SLC4A11: variants seen among roughly 807,000 people sequenced by gnomAD.
The protein encoded by SLC4A11 is solute carrier family 4 member 11.
SLC4A11 carries 74 observed loss-of-function variants against 95.0 expected under a neutral mutation model. That is an observed-to-expected ratio of 0.78 (90% CI 0.65 to 0.95). The LOEUF (loss-of-function observed/expected upper bound fraction) is 0.95, where lower values mean the gene tolerates loss of function less well. Ranked by LOEUF, SLC4A11 falls within the 40% of genes least tolerant of loss-of-function variation. The probability of loss-of-function intolerance (pLI) is 0.00; values close to 1 mark genes in which losing one functional copy is unlikely to be tolerated. For synonymous variants in SLC4A11, 548 were observed against 519.0 expected, an observed-to-expected ratio of 1.06 and a Z score of -0.76; for missense variants, 1,081 against 1,192.4, an observed-to-expected ratio of 0.91 and a Z score of 1.38.
In SLC4A11 at chr20:3,230,996, C is replaced by A; in HGVS notation, c.1105G>T (p.Ala369Ser). The A allele has an allele frequency of 6.2e-7, 1 of 1,613,578 alleles. No individual in the cohort carries two copies. Among genetic ancestry groups the A allele is most frequent in the Non-Finnish European group, 8.5e-7 (1 of 1,179,956 alleles). ...AAAGCGATGGTGGGCAGGAGGCAGG[C>A]GAAGTAGAGGAACAGGGTGGTGGTG... The part of the protein sequence containing the change: ...YITTTLFLYF[A>S]CLLPTIAFGS... The change falls in exon 10 of 20, where the codon GCC (alanine) becomes TCC (serine). Residue 369 changes from alanine (A) to serine (S), a missense_variant. By Grantham distance (99) the Ala-to-Ser change is moderately conservative. Around this residue, in one of 3 missense-constraint regions of SLC4A11, gnomAD observed 767 missense variants for 858.0 expected, o/e 0.89. Transcript: ENST00000642402.
intron 1 of SLC4A11, chr20:3,238,572 C>T: frequency 1.0e-6 from 1 of 990,916 alleles, no homozygotes; most frequent in Non-Finnish European, 1.2e-6. Context: ...GGACCCAGGG[C>T]TGGCCCTCCC....
intron 19 of SLC4A11, 106 bp downstream of exon 19, chr20:3,228,153 C>CCAA: frequency 5.9e-6 from 6 of 1,017,530 alleles, no homozygotes; most frequent in Non-Finnish European, 5.9e-6. Flanking sequence ...CCAACCCGCC[C>CCAA]ATTCTCCGCC....
Position 3,231,643 on chromosome 20 carries a change from T to G in SLC4A11, c.730-95A>C, listed in dbSNP as rs1600584159. The G allele has an allele frequency of 1.7e-6, 2 of 1,188,210 alleles. No homozygotes were observed. The highest frequency in any genetic ancestry group is 2.4e-5 in the East Asian group (1 of 41,366). 73.6% of individuals were successfully genotyped at this position (1,188,210 alleles called of 1,614,324 possible). A position where few individuals can be genotyped will look rare whatever the true frequency, so the allele number is the denominator to read the frequency against. ...GCTCTCCCCATGAACTGGCAGCAGG[T>G]TTTTTGTCTGTTTGTTTTTTGTGTT... On this transcript the variant is annotated intron_variant, in intron 7 of 19. Coordinates refer to ENST00000642402, the MANE Select transcript of SLC4A11 (RefSeq NM_001174089.2). The surrounding 1 kb of genome is among the most constrained non-coding windows in gnomAD (Gnocchi z 5.2).
Position 3,231,285 on chromosome 20 carries a change from TGCCCCCGCCGACCCTGCCG to T in SLC4A11, c.948+26_948+44del. On this transcript the variant is annotated intron_variant, in intron 8 of 19. Transcript: ENST00000642402. This position sits in a 1 kb window ranked among gnomAD's most constrained non-coding sequence, Gnocchi z 5.2. ...GCGCCTGTTAGCCCTGTCCGGCCCA[TGCCCCCGCCGACCCTGCCG>T]GCCCCCGCCGGCCTCTACCCTGTAC... 1 of 1,613,256 alleles carries T rather than the reference TGCCCCCGCCGACCCTGCCG, an allele frequency of 6.2e-7. No individual in the cohort carries two copies. The highest frequency in any genetic ancestry group is 2.2e-5 in the East Asian group (1 of 44,848).
chr20:3,236,097 C>T (rs1328044487), intron 2 of SLC4A11, among the ~76,000 whole-genome samples: 1 of 152,184 alleles, frequency 6.6e-6, no homozygotes, highest in African/African-American at 2.4e-5. Flanking sequence ...AGCAGCACGC[C>T]TGCACCTGCC....
chr20:3,232,257 C>T (rs1230951034), intron 7 of SLC4A11, among the ~76,000 whole-genome samples: 4 of 152,250 alleles, frequency 2.6e-5, no homozygotes, highest in Non-Finnish European at 2.9e-5. Context: ...CTCTCTCGCC[C>T]GGCCAAGGTG....
chr20:3,236,762 T>A (rs2067995000), intron 2 of SLC4A11, among the ~76,000 whole-genome samples: 2 of 151,778 alleles, frequency 1.3e-5, no homozygotes, highest in African/African-American at 4.8e-5. Context: ...ACTAGTCCCC[T>A]CCACTGCCCT....
rs763849883 is a variant in SLC4A11 at position 3,231,023 on chromosome 20, T to C, written c.1078A>G (p.Ile360Val). 8 of 1,613,844 alleles carry C rather than the reference T, an allele frequency of 5.0e-6. No individual in the cohort carries two copies. Among genetic ancestry groups the C allele is most frequent in the Non-Finnish European group, 6.8e-6 (8 of 1,179,994 alleles). ...IGKNKAVGKY[I>V]TTTLFLYFAC... Reference sequence around the variant, plus strand: ...AAGTAGAGGAACAGGGTGGTGGTGATGTATTTGCCCACAGCCTTGTTTTTC... The same window carrying C: ...AAGTAGAGGAACAGGGTGGTGGTGACGTATTTGCCCACAGCCTTGTTTTTC... The change falls in exon 10 of 20, where the codon ATC (isoleucine) becomes GTC (valine). Residue 360 changes from isoleucine (I) to valine (V), a missense_variant. Around this residue, in one of 3 missense-constraint regions of SLC4A11, gnomAD observed 767 missense variants for 858.0 expected, o/e 0.89. Transcript: ENST00000642402. The surrounding 1 kb of genome is among the most constrained non-coding windows in gnomAD (Gnocchi z 5.2).
rs1228963378 is a variant in SLC4A11, at chr20:3,234,159, G to A, written c.447C>T (p.Asn149=). 1.2e-6 allele frequency: 2 copies of A among 1,614,152 alleles called. No individual in the cohort carries two copies. Among genetic ancestry groups the A allele is most frequent in the Non-Finnish European group, 1.7e-6 (2 of 1,180,022 alleles). ...MLRRFARDPD[N]NEPNCNLDLL... ...GGTCCAGGTTGCAGTTGGGCTCATT[G>A]TTGTCAGGGTCCCTGGCGAAGCGGC... The change falls in exon 5 of 20, where the codon AAC becomes AAT. Residue 149 remains asparagine, a synonymous_variant. Coordinates refer to ENST00000642402, the MANE Select transcript of SLC4A11 (RefSeq NM_001174089.2). This position sits in a 1 kb window ranked among gnomAD's most constrained non-coding sequence, Gnocchi z 5.8.
At chr20:3,236,587 C>G (rs2067989151) in intron 2 of SLC4A11, among the ~76,000 whole-genome samples, 2 of 20,600 alleles carry the variant, frequency 9.7e-5, no homozygotes, top group South Asian at 1.7e-3. Flanking sequence ...AGACTCAAAA[C>G]AAAACAAAAC....
At position 3,229,775 on chromosome 20, in the gene SLC4A11, G is replaced by A. The variant is rs2067690279; in HGVS notation, c.1491C>T (p.Ile497=). ...AATGCCCATAGTAGTACTTCCAGAAGACTGTGGACACACACCCACAGGCCT... is the reference window on the plus strand; with the variant it reads ...AATGCCCATAGTAGTACTTCCAGAAAACTGTGGACACACACCCACAGGCCT... ...VLDAVKGTVK[I]FWKYYYGHYL... Residue 497 remains isoleucine (I), a splice_region_variant and synonymous_variant, in exon 14 of 20, where the codon ATC becomes ATT. Transcript: ENST00000642402. 1 of 1,613,722 alleles carries A rather than the reference G, an allele frequency of 6.2e-7. No homozygotes were observed. Among genetic ancestry groups the A allele is most frequent in the African/African-American group, 1.3e-5 (1 of 74,924 alleles).
At position 3,228,898 on chromosome 20, in the gene SLC4A11, A is replaced by G. The variant is rs766847914; in HGVS notation, c.2132T>C (p.Leu711Pro). 1 of 1,613,940 alleles carries G rather than the reference A, an allele frequency of 6.2e-7. No individual in the cohort carries two copies. ...CACTAAGGCCAGGGCTCGCACGTGC[A>G]GCGGGGAGTGGGGGTAGGCGGCATG... Reference protein sequence around the residue: ...WIHAAYPHSPLHVRALALVEE... With the variant: ...WIHAAYPHSPPHVRALALVEE... Residue 711 changes from leucine (L) to proline (P), a missense_variant, in exon 17 of 20, where the codon CTG becomes CCG. Leu to Pro is a moderately conservative substitution (Grantham distance 98). Transcript: ENST00000642402.
rs2067573230 is a variant in SLC4A11, at chr20:3,227,610, G to T, written c.*177C>A. On this transcript the variant is annotated 3_prime_UTR_variant, in exon 20 of 20. Coordinates refer to ENST00000642402, the MANE Select transcript of SLC4A11 (RefSeq NM_001174089.2). ...CCTAAAGCTAAAGGATAATGGGAGAGGGGTGGGCACATACCACTGCACCCC... is the reference window on the plus strand; with the variant it reads ...CCTAAAGCTAAAGGATAATGGGAGATGGGTGGGCACATACCACTGCACCCC... The T allele has an allele frequency of 3.0e-6, 2 of 674,926 alleles. No individual in the cohort carries two copies. The highest frequency in any genetic ancestry group is 4.3e-5 in the Admixed American group (2 of 46,952). 41.8% of individuals were successfully genotyped at this position (674,926 alleles called of 1,614,324 possible).
At position 3,227,476 on chromosome 20, in the gene SLC4A11, A is replaced by G. The variant is rs967073848; in HGVS notation, c.*311T>C. 12 of 422,554 alleles carry G rather than the reference A, an allele frequency of 2.8e-5. No homozygotes were observed. The highest frequency in any genetic ancestry group is 4.4e-5 in the Non-Finnish European group (10 of 226,046). 26.2% of individuals were successfully genotyped at this position (422,554 alleles called of 1,614,324 possible). A position where few individuals can be genotyped will look rare whatever the true frequency, so the allele number is the denominator to read the frequency against. The stretch of plus-strand genomic sequence containing the variant: ...GTGCGTCCAGCAAGTTCCTTACACA[A>G]TCAAGGAAATGGTTTCTCTTTCAGG... On this transcript the variant is annotated 3_prime_UTR_variant, in exon 20 of 20. Transcript: ENST00000642402.
At chr20:3,229,820 G>A in intron 13 of SLC4A11, 44 bp from the exon 14 acceptor site, 1 of 1,613,084 alleles carries the variant, frequency 6.2e-7, no homozygotes. Flanking sequence ...CCAGCGTGTG[G>A]CAGGGGGAGG....
In SLC4A11 at chr20:3,238,427, G is replaced by A. The variant is rs75186523; in HGVS notation, c.43+668C>T. On this transcript the variant is annotated intron_variant, in intron 1 of 19. Coordinates refer to ENST00000642402, the MANE Select transcript of SLC4A11 (RefSeq NM_001174089.2). ...GGGAGCCGGGGCTGCATCCTGAAGT[G>A]GGGGGCGGGGGCGCTGGGGCGCGTC... 4,558 of 1,040,560 alleles carry A rather than the reference G, an allele frequency of 4.4e-3. 162 individuals are homozygous for A. In the African/African-American group the frequency reaches 0.072, roughly 16 times the overall value. 64.5% of individuals were successfully genotyped at this position (1,040,560 alleles called of 1,614,324 possible).
Position 3,233,594 on chromosome 20 carries a change from G to A in SLC4A11, c.649C>T (p.Arg217Cys), listed in dbSNP as rs762942751. ...ALQKRHVCIS[R>C]LVRPQNWGEN... ...CCCCAGTTCTGTGGGCGAACCAGGCGGCTGATGCACACGTGCCGCTTCTGT... is the reference window on the plus strand; with the variant it reads ...CCCCAGTTCTGTGGGCGAACCAGGCAGCTGATGCACACGTGCCGCTTCTGT... Residue 217 changes from arginine to cysteine, a missense_variant, in exon 7 of 20, where the codon CGC (arginine) becomes TGC (cysteine). Arg to Cys is a radical substitution (Grantham distance 180). Around this residue, in one of 3 missense-constraint regions of SLC4A11, gnomAD observed 310 missense variants for 313.5 expected, o/e 0.99. Coordinates refer to ENST00000642402, the MANE Select transcript of SLC4A11 (RefSeq NM_001174089.2). 11 of 1,613,564 alleles carry A rather than the reference G, an allele frequency of 6.8e-6. No individual in the cohort carries two copies. Among genetic ancestry groups the A allele is most frequent in the African/African-American group, 1.3e-5 (1 of 74,936 alleles).
intron 6 of SLC4A11, 113 bp downstream of exon 6, chr20:3,233,808 G>A: frequency 1.3e-6 from 2 of 1,516,112 alleles, no homozygotes; most frequent in Non-Finnish European, 1.8e-6. Context: ...AAGTTGGTTG[G>A]GCCGCCAGAG....
Position 3,234,249 on chromosome 20 carries a change from C to G in SLC4A11, c.357G>C (p.Ala119=). The G allele has an allele frequency of 6.2e-7, 1 of 1,614,046 alleles. No individual in the cohort carries two copies. Among genetic ancestry groups the G allele is most frequent in the Non-Finnish European group, 8.5e-7 (1 of 1,180,016 alleles). The part of the protein sequence containing the change: ...RAHRDLDGFL[A]QASIVLNETA... ...TCTCGTTCAGGACGATGCTGGCCTG[C>G]GCCAGGAAGCCATCTAGGTCGCGGT... Residue 119 remains alanine, a synonymous_variant, in exon 5 of 20, where the codon GCG becomes GCC. Coordinates refer to ENST00000642402, the MANE Select transcript of SLC4A11 (RefSeq NM_001174089.2). The surrounding 1 kb of genome is among the most constrained non-coding windows in gnomAD (Gnocchi z 5.8).
Sources: gnomAD v4.1 joint callset for allele counts (sites outside exome capture counted in the v4.1 genomes callset) on GRCh38, gnomAD v4.1.1 for gene constraint, gnomAD v4.1.1 regional missense constraint, Gnocchi (gnomAD v3.1) non-coding constraint, MANE v1.5 for transcripts, NCBI Gene and HGNC (gene_info 2026-07-23, HGNC 2026-07-21) for gene names.